The following CAMKMT variants were observed in gnomAD, a reference collection of about 807,000 sequenced individuals.
CAMKMT encodes the protein CaM KMT.
CAMKMT carries 53 observed loss-of-function variants against 48.0 expected under a neutral mutation model. The ratio of observed to expected loss-of-function variants is 1.10; its 90% CI spans 0.89 to 1.39. The LOEUF (loss-of-function observed/expected upper bound fraction) is 1.39. CAMKMT is among the 40% of genes most tolerant of loss of function. The probability of loss-of-function intolerance (pLI) is 0.00; values close to 1 mark genes in which losing one functional copy is unlikely to be tolerated. For missense variants in CAMKMT, 428 were observed against 402.7 expected (o/e 1.06, Z -0.54); for synonymous variants, 165 against 152.3 (o/e 1.08, Z -0.61).
At chr2:44,537,879 A>G (rs1666866979) in intron 3 of CAMKMT, among the ~76,000 whole-genome samples, 2 of 152,186 alleles carry the variant, frequency 1.3e-5, no homozygotes, top group South Asian at 4.1e-4. Context: ...TACAACCTCT[A>G]TGGAAAACAG....
chr2:44,498,406 A>C (rs767816318), intron 3 of CAMKMT, among the ~76,000 whole-genome samples: 1 of 152,238 alleles, frequency 6.6e-6, no homozygotes, highest in African/African-American at 2.4e-5. Flanking sequence ...TAGGTGGACT[A>C]ATCCTTTGCT....
chr2:44,645,598 A>G (rs1301234857), intron 3 of CAMKMT, among the ~76,000 whole-genome samples: 2 of 152,204 alleles, frequency 1.3e-5, no homozygotes, highest in East Asian at 3.9e-4. Flanking sequence ...AGGCAGGCAG[A>G]TCACTTGAGG....
chr2:44,705,390 T>G, intron 4 of CAMKMT: 1 of 985,274 alleles, frequency 1.0e-6, no homozygotes, highest in Non-Finnish European at 1.2e-6. Flanking sequence ...ACAGGGCAAT[T>G]TTGAATGTGG....
At chr2:44,641,446 A>T (rs984909297) in intron 3 of CAMKMT, among the ~76,000 whole-genome samples, 11 of 152,030 alleles carry the variant, frequency 7.2e-5, no homozygotes, top group Admixed American at 7.2e-4. Flanking sequence ...TCTTGCAAAA[A>T]CCCAACCCCA....
Position 44,604,282 on chromosome 2 carries a change from A to G in CAMKMT, c.377-100001A>G, listed in dbSNP as rs1434566839. ...AAATTACTTTTCTTGTTTGTTTACT[A>G]TAAACACAAGACTATCTGCTAAATA... On this transcript the variant is annotated intron_variant, in intron 3 of 10. Coordinates refer to ENST00000378494, the MANE Select transcript of CAMKMT (RefSeq NM_024766.5). Among the ~76,000 whole-genome samples the G allele has an allele frequency of 2.0e-5, 3 of 152,214 alleles. No individual in the cohort carries two copies. In the South Asian group the frequency reaches 6.2e-4, roughly 32 times the overall value.
At chr2:44,582,325 C>T (rs1669609949) in intron 3 of CAMKMT, among the ~76,000 whole-genome samples, 1 of 152,218 alleles carries the variant, frequency 6.6e-6, no homozygotes, top group Non-Finnish European at 1.5e-5. Context: ...ATGTACCTCA[C>T]TAACAGTGCA....
At chr2:44,665,068 G>T (rs1674888642) in intron 3 of CAMKMT, among the ~76,000 whole-genome samples, 1 of 152,010 alleles carries the variant, frequency 6.6e-6, no homozygotes, top group African/African-American at 2.4e-5. Flanking sequence ...AGGTTTTTTT[G>T]TTTGTTTGTT....
rs138866526 is a variant in CAMKMT, at chr2:44,690,570, G to A, written c.377-13713G>A. ...ACTGTGCCTTTTAGCTGGTCATAAG[G>A]ATAATGCATATCTTATAGGGGTTGT... On this transcript the variant is annotated intron_variant, in intron 3 of 10. Coordinates refer to ENST00000378494, the MANE Select transcript of CAMKMT (RefSeq NM_024766.5). Among the ~76,000 whole-genome samples, 243 of 152,266 alleles carry A rather than the reference G, an allele frequency of 1.6e-3. 1 individual carries two copies. Among genetic ancestry groups the A allele is most frequent in the Non-Finnish European group, 2.8e-3 (193 of 68,026 alleles).
intron 3 of CAMKMT, among the ~76,000 whole-genome samples, chr2:44,624,394 G>A (rs2103944858): frequency 6.6e-6 from 1 of 152,072 alleles, no homozygotes; most frequent in East Asian, 1.9e-4. Context: ...TGTTACATAT[G>A]TATACATGTG....
chr2:44,546,153 G>GCACA (rs1457030245), intron 3 of CAMKMT, among the ~76,000 whole-genome samples: 16 of 75,342 alleles, frequency 2.1e-4, no homozygotes, highest in Non-Finnish European at 3.8e-4. Flanking sequence ...TAGACTGCTA[G>GCACA]GACACACACA....
At chr2:44,745,534 T>TAC (rs1006498687) in intron 8 of CAMKMT, among the ~76,000 whole-genome samples, 3 of 152,180 alleles carry the variant, frequency 2.0e-5, no homozygotes, top group African/African-American at 7.2e-5. Context: ...ATTATATGTA[T>TAC]ACACACACAC....
rs564706307 is a variant in CAMKMT, at chr2:44,412,248, A to G, written c.376+21943A>G. On this transcript the variant is annotated intron_variant, in intron 3 of 10. Transcript: ENST00000378494. ...TGCCTGTTCTACTCCCGTACATACA[A>G]TGGGGGTTCAAACCAAAATAATGGC... is the stretch of plus-strand genomic sequence containing the variant. Among the ~76,000 whole-genome samples, 287 of 152,242 alleles carry G rather than the reference A, an allele frequency of 1.9e-3. 3 individuals are homozygous for G. Among genetic ancestry groups the G allele is most frequent in the African/African-American group, 6.6e-3 (273 of 41,538 alleles).
chr2:44,440,133 C>T (rs1374774328), intron 3 of CAMKMT, among the ~76,000 whole-genome samples: 2 of 152,066 alleles, frequency 1.3e-5, no homozygotes, highest in African/African-American at 4.8e-5. Context: ...TTTGTGTTTA[C>T]TTATACAGGT....
chr2:44,672,630 C>A (rs775485756), intron 3 of CAMKMT, among the ~76,000 whole-genome samples: 1 of 152,068 alleles, frequency 6.6e-6, no homozygotes, highest in Non-Finnish European at 1.5e-5. Context: ...GACTATGCCC[C>A]GGGAGTATAA....
chr2:44,458,540 AG>A (rs1455335729), intron 3 of CAMKMT, among the ~76,000 whole-genome samples: 17 of 152,320 alleles, frequency 1.1e-4, no homozygotes, highest in African/African-American at 3.6e-4. Context: ...TAAGATGAAA[AG>A]GTCTGCTTTC....
intron 3 of CAMKMT, among the ~76,000 whole-genome samples, chr2:44,630,134 A>C (rs1040150888): frequency 6.6e-6 from 1 of 152,064 alleles, no homozygotes; most frequent in African/African-American, 2.4e-5. Flanking sequence ...TGAGAAAAAT[A>C]AGCAATGCGG....
At chr2:44,392,403 A>G (rs1169408192) in intron 3 of CAMKMT, among the ~76,000 whole-genome samples, 1 of 152,144 alleles carries the variant, frequency 6.6e-6, no homozygotes, top group African/African-American at 2.4e-5. Flanking sequence ...CTGTTCCAAT[A>G]AAGTAAATAT....
intron 2 of CAMKMT, among the ~76,000 whole-genome samples, chr2:44,387,420 T>A (rs1011555193): frequency 6.6e-5 from 10 of 152,158 alleles, no homozygotes; most frequent in African/African-American, 2.2e-4. Flanking sequence ...GTTAGATGAG[T>A]CTCTTGAAGG....
chr2:44,465,108 T>C (rs1668042064), intron 3 of CAMKMT, among the ~76,000 whole-genome samples: 1 of 152,062 alleles, frequency 6.6e-6, no homozygotes, highest in African/African-American at 2.4e-5. Flanking sequence ...TATAAAAAGA[T>C]ACGTAATTTG....
Sources: gnomAD v4.1 joint callset for allele counts (sites outside exome capture counted in the v4.1 genomes callset) on GRCh38, gnomAD v4.1.1 for gene constraint, MANE v1.5 for transcripts, NCBI Gene and HGNC (gene_info 2026-07-23, HGNC 2026-07-21) for gene names.